ZC3H3: variants seen among roughly 807,000 people sequenced by gnomAD.
ZC3H3 encodes zinc finger CCCH domain-containing protein 3.
In ZC3H3, 36 loss-of-function variants were observed where a neutral mutation model predicts 77.3. That is an observed-to-expected ratio of 0.47 (90% CI 0.36 to 0.61). The LOEUF is 0.61. ZC3H3 is among the 20% of genes least tolerant of loss of function. The pLI, the probability that ZC3H3 is intolerant of heterozygous loss-of-function variation, is 0.00. For synonymous variants in ZC3H3, 626 were observed against 555.2 expected (o/e 1.13, Z -1.79); for missense variants, 1,331 against 1,312.2 (o/e 1.01, Z -0.22).
chr8:143,512,301 C>T (rs1215779377), intron 3 of ZC3H3, among the ~76,000 whole-genome samples: 1 of 152,272 alleles, frequency 6.6e-6, no homozygotes, highest in African/African-American at 2.4e-5. Flanking sequence ...TGTACACTGC[C>T]TGATCTGCTT....
In ZC3H3 at chr8:143,531,877, C is replaced by A. The variant is rs140408363; in HGVS notation, c.1561+4380G>T. ...TTTCGCACGGGTAAATGTTTAAAAT[C>A]TTTTCCCTGATTAATTTTGCCAGTT... On this transcript the variant is annotated intron_variant, in intron 3 of 11. Coordinates refer to ENST00000262577, the MANE Select transcript of ZC3H3 (RefSeq NM_015117.3). 1.9e-4 allele frequency among the ~76,000 whole-genome samples: 29 copies of A among 152,332 alleles called. No homozygotes were observed. The East Asian group carries it at 5.4e-3, about 28-fold the overall frequency.
chr8:143,480,244 T>G (rs906199486), intron 4 of ZC3H3, among the ~76,000 whole-genome samples: 16 of 152,140 alleles, frequency 1.1e-4, no homozygotes, highest in Non-Finnish European at 2.1e-4. Flanking sequence ...GCAAACCTGG[T>G]GCATCCCCTG....
chr8:143,507,898 C>T lies in ZC3H3; in HGVS notation c.1563G>A (p.Ala521=), dbSNP rs377156558. 3.0e-5 allele frequency: 48 copies of T among 1,585,008 alleles called. No individual in the cohort carries two copies. The highest frequency in any genetic ancestry group is 1.7e-4 in the Middle Eastern group (1 of 5,934). Residue 521 remains alanine (A), a splice_region_variant and synonymous_variant, in exon 4 of 12, where the codon GCG becomes GCA. Coordinates refer to ENST00000262577, the MANE Select transcript of ZC3H3 (RefSeq NM_015117.3). ...CAGTCCGCACGGCATGCAGGCTGGA[C>T]GCTGTAGAGAAAACCCAGGGCACAG... ...PSRAHLPTKE[A]SSLHAVRTAP...
In ZC3H3 at chr8:143,468,644, G is replaced by A; in HGVS notation, c.1919C>T (p.Ala640Val). Residue 640 changes from alanine (A) to valine (V), a missense_variant, in exon 6 of 12, where the codon GCA becomes GTA. By Grantham distance (64) the Ala-to-Val change is moderately conservative (BLOSUM62 0). Coordinates refer to ENST00000262577, the MANE Select transcript of ZC3H3 (RefSeq NM_015117.3). ...PLLRTGRLDP[A>V]GSCSRSLASR... ...GGCCAGGGAACGGCTACAGCTGCCT[G>A]CAGGATCCAGCCGGCCTGTGGGGGA... is the stretch of plus-strand genomic sequence containing the variant. The A allele has an allele frequency of 1.3e-6, 2 of 1,552,220 alleles. No individual in the cohort carries two copies. The highest frequency in any genetic ancestry group is 2.4e-5 in the East Asian group (1 of 41,092).
intron 4 of ZC3H3, 105 bp downstream of exon 4, chr8:143,507,641 T>C (rs1821742746): frequency 2.3e-6 from 3 of 1,314,672 alleles, no homozygotes; most frequent in Admixed American, 3.3e-5. Context: ...AGTTCTGGGA[T>C]GTGCTCAGCT....
chr8:143,469,074 C>T (rs1820492626), intron 5 of ZC3H3, among the ~76,000 whole-genome samples: 1 of 152,258 alleles, frequency 6.6e-6, no homozygotes, highest in South Asian at 2.1e-4. Flanking sequence ...CCCCTGCTGG[C>T]TTCCTCATGT....
chr8:143,537,056 C>T (rs1040268662), intron 2 of ZC3H3, among the ~76,000 whole-genome samples: 2 of 152,250 alleles, frequency 1.3e-5, no homozygotes, highest in East Asian at 3.9e-4. Context: ...CTAGACCAGA[C>T]GGCAGGGCAC....
intron 3 of ZC3H3, among the ~76,000 whole-genome samples, chr8:143,534,811 T>C (rs928888646): frequency 1.3e-5 from 2 of 152,130 alleles, no homozygotes; most frequent in African/African-American, 4.8e-5. Flanking sequence ...GAAATCCACA[T>C]GTCCTGGCGT....
At chr8:143,467,098 A>G (rs116654210) in intron 8 of ZC3H3, among the ~76,000 whole-genome samples, 3,639 of 151,664 alleles carry the variant, frequency 0.024, 151 homozygotes, top group African/African-American at 0.084. Context: ...GCAGCCGCAG[A>G]GGGGAGAGGG....
intron 3 of ZC3H3, among the ~76,000 whole-genome samples, chr8:143,519,345 G>A (rs1040606739): frequency 1.3e-5 from 2 of 152,198 alleles, no homozygotes; most frequent in African/African-American, 2.4e-5. Context: ...GAGAACCACC[G>A]GGGCCAGTGC....
intron 4 of ZC3H3, among the ~76,000 whole-genome samples, chr8:143,482,005 T>C (rs1377794423): frequency 1.3e-5 from 2 of 152,174 alleles, no homozygotes; most frequent in African/African-American, 2.4e-5. Flanking sequence ...ACCCTGCCAG[T>C]TGGTTTGAAA....
Position 143,479,798 on chromosome 8 carries a change from TG to T in ZC3H3, c.1716-4214del, listed in dbSNP as rs972697422. Among the ~76,000 whole-genome samples, 6 of 151,816 alleles carry T rather than the reference TG, an allele frequency of 4.0e-5. No individual in the cohort carries two copies. In the South Asian group the frequency reaches 6.3e-4, roughly 16 times the overall value. ...GAGGCTGGGCCTCCCCTCTCCTCCC[TG>T]GGGGGGGACAAAGGCCAGGAGGGGG... is the stretch of plus-strand genomic sequence containing the variant. On this transcript the variant is annotated intron_variant, in intron 4 of 11. Coordinates refer to ENST00000262577, the MANE Select transcript of ZC3H3 (RefSeq NM_015117.3).
In ZC3H3 at chr8:143,499,975, C is replaced by A. The variant is rs1330598300; in HGVS notation, c.1715+7771G>T. Among the ~76,000 whole-genome samples, 3 of 152,282 alleles carry A rather than the reference C, an allele frequency of 2.0e-5. No homozygotes were observed. The East Asian group carries it at 5.8e-4, about 29-fold the overall frequency. ...CTGGCCCTGCCCTGATAACCCCTGG[C>A]CCCCCACCAGAGCAGCGGCCGGGCT... On this transcript the variant is annotated intron_variant, in intron 4 of 11. Transcript: ENST00000262577.
intron 8 of ZC3H3, among the ~76,000 whole-genome samples, 155 bp from the exon 9 acceptor site, chr8:143,466,003 G>A (rs900163656): frequency 6.6e-6 from 1 of 152,196 alleles, no homozygotes; most frequent in Non-Finnish European, 1.5e-5. Context: ...GCGGGGCAGG[G>A]AAGCTGCTGC....
At chr8:143,438,188 G>C in intron 11 of ZC3H3, 101 bp from the exon 12 acceptor site, 1 of 1,447,026 alleles carries the variant, frequency 6.9e-7, no homozygotes, top group South Asian at 1.2e-5. Flanking sequence ...GGCTCTGTCA[G>C]CCCAAGCACA....
At chr8:143,505,388 G>A (rs1053325950) in intron 4 of ZC3H3, among the ~76,000 whole-genome samples, 7 of 152,218 alleles carry the variant, frequency 4.6e-5, no homozygotes, top group Admixed American at 1.3e-4. Context: ...TGGCCCAGAC[G>A]CCCTTTCTGC....
intron 4 of ZC3H3, among the ~76,000 whole-genome samples, chr8:143,489,051 G>A (rs1384259932): frequency 6.6e-6 from 1 of 152,210 alleles, no homozygotes; most frequent in Non-Finnish European, 1.5e-5. Flanking sequence ...TGACCCCCAG[G>A]ACTGTTCATC....
At chr8:143,521,469 T>C (rs1822240482) in intron 3 of ZC3H3, among the ~76,000 whole-genome samples, 1 of 152,268 alleles carries the variant, frequency 6.6e-6, no homozygotes, top group African/African-American at 2.4e-5. Flanking sequence ...GGACTGGGTG[T>C]GGGCAGGAAG....
chr8:143,454,760 A>C (rs1820070937), intron 9 of ZC3H3, among the ~76,000 whole-genome samples: 1 of 152,108 alleles, frequency 6.6e-6, no homozygotes, highest in Non-Finnish European at 1.5e-5. Context: ...GTGTGATGAA[A>C]TCTTGCACCG....
Sources: allele counts gnomAD v4.1 joint callset (sites outside exome capture counted in the v4.1 genomes callset), GRCh38; gene constraint gnomAD v4.1.1; transcripts MANE v1.5; gene names NCBI Gene and HGNC (gene_info 2026-07-23, HGNC 2026-07-21).